The following DAB1 variants were observed in gnomAD, a reference collection of about 807,000 sequenced individuals.
DAB1 encodes DAB adaptor protein 1.
Under a neutral mutation model 64.6 loss-of-function variants are expected in DAB1, and 15 were observed. That is an observed-to-expected ratio of 0.23 (90% CI 0.16 to 0.36). The LOEUF (loss-of-function observed/expected upper bound fraction) is 0.36, where lower values mean the gene tolerates loss of function less well. Ranked by LOEUF, DAB1 falls within the 10% of genes least tolerant of loss-of-function variation. DAB1 has a pLI of 1.00. For synonymous variants in DAB1, 235 were observed against 251.9 expected (o/e 0.93, Z 0.64); for missense variants, 596 against 706.7 (o/e 0.84, Z 1.78).
chr1:58,221,606 C>G (rs1659174136), intron 4 of DAB1, among the ~76,000 whole-genome samples: 1 of 152,180 alleles, frequency 6.6e-6, no homozygotes, highest in Non-Finnish European at 1.5e-5. Context: ...CCAGGAAGTC[C>G]CTTAACTTCT....
At chr1:58,324,746 T>C (rs1166366229) in intron 4 of DAB1, among the ~76,000 whole-genome samples, 4 of 152,210 alleles carry the variant, frequency 2.6e-5, no homozygotes, top group African/African-American at 9.6e-5. Flanking sequence ...GGGATGTGGT[T>C]AACTGCTGGG....
chr1:57,851,611 C>T (rs913307521), intron 1 of DAB1, among the ~76,000 whole-genome samples: 2 of 152,176 alleles, frequency 1.3e-5, no homozygotes, highest in Non-Finnish European at 2.9e-5. Flanking sequence ...TCTGCCTTTG[C>T]TCCTGCAAGA....
At chr1:57,443,430 A>C (rs1686026088) in intron 7 of DAB1, among the ~76,000 whole-genome samples, 2 of 152,162 alleles carry the variant, frequency 1.3e-5, no homozygotes, top group African/African-American at 2.4e-5. Context: ...CATACCATGC[A>C]CTTTCATATC....
intron 1 of DAB1, among the ~76,000 whole-genome samples, chr1:57,838,134 T>C (rs758042663): frequency 3.9e-5 from 6 of 152,182 alleles, no homozygotes; most frequent in Non-Finnish European, 8.8e-5. Flanking sequence ...TCCCTTTTTC[T>C]ATCACTTGGA....
intron 3 of DAB1, among the ~76,000 whole-genome samples, chr1:57,142,313 AAGGG>A (rs1407285818): frequency 4.8e-5 from 7 of 145,064 alleles, no homozygotes; most frequent in Non-Finnish European, 1.1e-4. Context: ...GCCTTTTTGG[AAGGG>A]TAAGAGGTAT....
At chr1:57,886,648 T>A (rs1465430973), upstream of DAB1, among the ~76,000 whole-genome samples, 2 of 152,198 alleles carry the variant, frequency 1.3e-5, no homozygotes, top group Non-Finnish European at 2.9e-5. Flanking sequence ...GCAGTCACTA[T>A]TTGCATGTCT....
At chr1:57,124,333 T>C (rs751114007) in intron 4 of DAB1, among the ~76,000 whole-genome samples, 14 of 152,086 alleles carry the variant, frequency 9.2e-5, no homozygotes, top group Non-Finnish European at 1.8e-4. Context: ...TGCGTGTCTA[T>C]TCACATGGGT....
At chr1:57,916,812 G>T (rs976896458) in intron 5 of DAB1, among the ~76,000 whole-genome samples, 1 of 151,978 alleles carries the variant, frequency 6.6e-6, no homozygotes, top group East Asian at 1.9e-4. Flanking sequence ...GCATGGTCAC[G>T]CACGCCTGTA....
intron 7 of DAB1, among the ~76,000 whole-genome samples, chr1:57,506,298 A>G (rs1644342791): frequency 1.3e-5 from 2 of 152,220 alleles, no homozygotes; most frequent in African/African-American, 4.8e-5. Context: ...TTAAGTATTT[A>G]AAAATGAAAC....
chr1:58,356,149 A>G (rs1644108758), intron 3 of DAB1, among the ~76,000 whole-genome samples: 1 of 152,214 alleles, frequency 6.6e-6, no homozygotes, highest in Non-Finnish European at 1.5e-5. Context: ...TCCTCAAACT[A>G]GCGTCTGCAT....
intron 7 of DAB1, among the ~76,000 whole-genome samples, chr1:57,446,301 T>A (rs985724519): frequency 2.0e-5 from 3 of 152,130 alleles, no homozygotes; most frequent in Non-Finnish European, 4.4e-5. Context: ...AGTTGTTACA[T>A]ATGACTAAAT....
At chr1:58,350,598 C>G (rs781408554) in intron 3 of DAB1, among the ~76,000 whole-genome samples, 1 of 152,122 alleles carries the variant, frequency 6.6e-6, no homozygotes, top group African/African-American at 2.4e-5. Context: ...TTAGGTCTTA[C>G]GTTTAAGTCT....
At chr1:57,678,283 T>C (rs1189555786) in intron 6 of DAB1, among the ~76,000 whole-genome samples, 5 of 152,180 alleles carry the variant, frequency 3.3e-5, no homozygotes, top group African/African-American at 1.2e-4. Flanking sequence ...ATTAATCCAC[T>C]CAGAGAGCAT....
chr1:57,369,214 T>C (rs966117342), intron 1 of DAB1, among the ~76,000 whole-genome samples: 1 of 152,136 alleles, frequency 6.6e-6, no homozygotes, highest in African/African-American at 2.4e-5. Flanking sequence ...GCTGTGAGGA[T>C]TCATCACAGT....
chr1:57,283,534 C>G (rs1408246295), intron 2 of DAB1, among the ~76,000 whole-genome samples: 1 of 152,166 alleles, frequency 6.6e-6, no homozygotes, highest in Non-Finnish European at 1.5e-5. Context: ...CACTGCAACA[C>G]TCTAAGATAC....
At chr1:58,212,964 C>T (rs2100297404) in intron 4 of DAB1, among the ~76,000 whole-genome samples, 1 of 152,218 alleles carries the variant, frequency 6.6e-6, no homozygotes, top group South Asian at 2.1e-4. Flanking sequence ...TATTTTGCTG[C>T]CTCAGAATGC....
chr1:57,659,523 T>C (rs1646359874), intron 6 of DAB1, among the ~76,000 whole-genome samples: 1 of 152,068 alleles, frequency 6.6e-6, no homozygotes, highest in African/African-American at 2.4e-5. Flanking sequence ...ATGAATGGTG[T>C]TCTCTACTCT....
At chr1:57,516,953 A>G (rs1364690190) in intron 7 of DAB1, among the ~76,000 whole-genome samples, 3 of 152,238 alleles carry the variant, frequency 2.0e-5, no homozygotes, top group Non-Finnish European at 2.9e-5. Flanking sequence ...AATGAGAAAT[A>G]GGTTCTTGCT....
intron 5 of DAB1, among the ~76,000 whole-genome samples, chr1:57,969,158 T>A (rs558225326): frequency 6.6e-6 from 1 of 152,126 alleles, no homozygotes; most frequent in Admixed American, 6.6e-5. Flanking sequence ...GAATTTCTCA[T>A]CCAGTGGGTA....
Sources: allele counts gnomAD v4.1 joint callset (sites outside exome capture counted in the v4.1 genomes callset), GRCh38; gene constraint gnomAD v4.1.1; transcripts MANE v1.5; gene names NCBI Gene and HGNC (gene_info 2026-07-23, HGNC 2026-07-21).